Variants in AGPAT3 observed in about 807,000 individuals in gnomAD.
The protein encoded by AGPAT3 is 1-acylglycerol-3-phosphate O-acyltransferase 3.
Under a neutral mutation model 47.3 loss-of-function variants are expected in AGPAT3, and 5 were observed. The ratio of observed to expected loss-of-function variants is 0.11; its 90% CI spans 0.06 to 0.22. The LOEUF is 0.22. AGPAT3 is among the 10% of genes least tolerant of loss of function. The pLI, the probability that AGPAT3 is intolerant of heterozygous loss-of-function variation, is 1.00. For synonymous variants in AGPAT3, 212 were observed against 208.3 expected, an observed-to-expected ratio of 1.02 and a Z score of -0.15; for missense variants, 315 against 493.0, an observed-to-expected ratio of 0.64 and a Z score of 3.42.
At chr21:43,965,039 C>T (rs2089056301) in intron 3 of AGPAT3, 1 of 152,876 alleles carries the variant, frequency 6.5e-6, no homozygotes, top group Admixed American at 6.5e-5. Context: ...AGCAGTCCTC[C>T]TACCTCAGCC....
In AGPAT3 at chr21:43,937,285, C is replaced by G. The variant is rs143537120; in HGVS notation, c.-48-22349C>G. Among the ~76,000 whole-genome samples, 291 of 152,362 alleles carry G rather than the reference C, an allele frequency of 1.9e-3. 1 individual carries two copies. Among genetic ancestry groups the G allele is most frequent in the Middle Eastern group, 0.01 (3 of 294 alleles). On this transcript the variant is annotated intron_variant, in intron 2 of 9. Transcript: ENST00000291572. The stretch of plus-strand genomic sequence containing the variant: ...GATATGTGTGAGTCCCAAAGGCCCA[C>G]TGGGTGGGGCGCTGGTGAATTGAGC...
chr21:43,969,074 T>G (rs763298493), intron 4 of AGPAT3, 44 bp from the exon 5 acceptor site: 1 of 1,605,900 alleles, frequency 6.2e-7, no homozygotes, highest in South Asian at 1.1e-5. Flanking sequence ...CTGGCCTCTG[T>G]CCGACGCTGA....
At chr21:43,972,794 C>T (rs1799021449) in intron 7 of AGPAT3, among the ~76,000 whole-genome samples, 3 of 152,192 alleles carry the variant, frequency 2.0e-5, no homozygotes, top group Non-Finnish European at 4.4e-5. Flanking sequence ...CTTTGAGGCA[C>T]GAAGAAACCG....
At chr21:43,937,043 C>T (rs1006212225) in intron 2 of AGPAT3, among the ~76,000 whole-genome samples, 1 of 152,192 alleles carries the variant, frequency 6.6e-6, no homozygotes, top group African/African-American at 2.4e-5. Context: ...TCTCCATTCA[C>T]GTACTGTTCT....
At chr21:43,917,086 G>A (rs2146138799) in intron 2 of AGPAT3, among the ~76,000 whole-genome samples, 1 of 152,278 alleles carries the variant, frequency 6.6e-6, no homozygotes, top group East Asian at 1.9e-4. Context: ...GCACCCTGCG[G>A]GCAAGTGAGG....
At chr21:43,972,673 A>G (rs1283232655) in intron 7 of AGPAT3, among the ~76,000 whole-genome samples, 7 of 152,192 alleles carry the variant, frequency 4.6e-5, no homozygotes, top group Non-Finnish European at 2.9e-5. Flanking sequence ...GGACTCTCCA[A>G]GCTTCTCTGG....
At position 43,982,609 on chromosome 21, in the gene AGPAT3, G is replaced by A. The variant is rs550434562; in HGVS notation, c.*217G>A. On this transcript the variant is annotated 3_prime_UTR_variant, in exon 10 of 10. Transcript: ENST00000291572. This position sits in a 1 kb window ranked among gnomAD's most constrained non-coding sequence, Gnocchi z 6.2. ...GCAGGGTCCCAGCATCTCCACGCGCGCCCGTGGGAGGTGGGTCCGGCCGGA... is the reference window on the plus strand; with the variant it reads ...GCAGGGTCCCAGCATCTCCACGCGCACCCGTGGGAGGTGGGTCCGGCCGGA... 1.7e-5 allele frequency: 7 copies of A among 400,716 alleles called. No individual in the cohort carries two copies. Among genetic ancestry groups the A allele is most frequent in the South Asian group, 6.2e-5 (2 of 32,148 alleles). 24.8% of individuals were successfully genotyped at this position (400,716 alleles called of 1,614,324 possible).
chr21:43,897,408 C>T (rs1461736480), intron 1 of AGPAT3, among the ~76,000 whole-genome samples: 1 of 152,042 alleles, frequency 6.6e-6, no homozygotes, highest in Admixed American at 6.6e-5. Flanking sequence ...CCCCACATTT[C>T]CCCCTTTTCT....
chr21:43,981,191 A>G lies in AGPAT3; in HGVS notation c.1042+4A>G, dbSNP rs753996229. 1.2e-6 allele frequency: 2 copies of G among 1,614,008 alleles called. No homozygotes were observed. The highest frequency in any genetic ancestry group is 1.7e-5 in the Admixed American group (1 of 60,026). On this transcript the variant is annotated splice_donor_region_variant and intron_variant, in intron 9 of 9. Coordinates refer to ENST00000291572, the MANE Select transcript of AGPAT3 (RefSeq NM_020132.5). The surrounding 1 kb of genome is among the most constrained non-coding windows in gnomAD (Gnocchi z 5.3). ...TTCTTGGGGTTTGTGGGAGCAGGTA[A>G]TGGACACTGTCGCTAACAGCTCACA...
intron 2 of AGPAT3, among the ~76,000 whole-genome samples, chr21:43,917,999 GGTTGTGGGT>G (rs1267216825): frequency 1.5e-5 from 2 of 131,120 alleles, no homozygotes; most frequent in Admixed American, 7.8e-5. Flanking sequence ...GTGTTGTGGG[GGTTGTGGGT>G]GTTGTGGATG....
chr21:43,968,585 G>A (rs917366901), intron 4 of AGPAT3, among the ~76,000 whole-genome samples: 2 of 151,984 alleles, frequency 1.3e-5, no homozygotes, highest in Non-Finnish European at 2.9e-5. Flanking sequence ...GAGTCCCTGG[G>A]TGTTCCTCCT....
chr21:43,973,960 T>G (rs556998091), intron 7 of AGPAT3, among the ~76,000 whole-genome samples: 2 of 152,344 alleles, frequency 1.3e-5, no homozygotes, highest in Admixed American at 1.3e-4. Flanking sequence ...AATAGAATTT[T>G]TATTTATATT....
At chr21:43,944,322 G>A (rs950130552) in intron 2 of AGPAT3, among the ~76,000 whole-genome samples, 1 of 152,256 alleles carries the variant, frequency 6.6e-6, no homozygotes, top group African/African-American at 2.4e-5. Flanking sequence ...CTGGGCAGGG[G>A]CCACACGTCC....
intron 2 of AGPAT3, among the ~76,000 whole-genome samples, chr21:43,940,458 C>T (rs1392373724): frequency 1.3e-5 from 2 of 152,182 alleles, no homozygotes; most frequent in African/African-American, 4.8e-5. Flanking sequence ...TGCAGGGGAA[C>T]TCCTGGGAGG....
In AGPAT3 at chr21:43,981,458, C is replaced by A. The variant is rs895075355; in HGVS notation, c.1042+271C>A. The A allele has an allele frequency of 1.9e-6, 1 of 529,096 alleles. No homozygotes were observed. The highest frequency in any genetic ancestry group is 3.3e-5 in the East Asian group (1 of 30,184). The allele number at this position is 529,096 out of a possible 1,614,324, so 32.8% of individuals were successfully genotyped here. A position where few individuals can be genotyped will look rare whatever the true frequency, so the allele number is the denominator to read the frequency against. On this transcript the variant is annotated intron_variant, in intron 9 of 9. Transcript: ENST00000291572. The surrounding 1 kb of genome is among the most constrained non-coding windows in gnomAD (Gnocchi z 5.3). Reference sequence around the variant, plus strand: ...TGGCTGGCGCCCTTGAGGATGCCGACGAGAGGGTCCCCGAGAGGGTCCCCA... The same window carrying A: ...TGGCTGGCGCCCTTGAGGATGCCGAAGAGAGGGTCCCCGAGAGGGTCCCCA...
At chr21:43,950,507 T>C (rs1383116866) in intron 2 of AGPAT3, among the ~76,000 whole-genome samples, 1 of 152,240 alleles carries the variant, frequency 6.6e-6, no homozygotes, top group Admixed American at 6.5e-5. Context: ...GTTGAATGCT[T>C]AGTAGTATCT....
chr21:43,962,422 T>C (rs1442641867), intron 3 of AGPAT3, among the ~76,000 whole-genome samples: 1 of 152,136 alleles, frequency 6.6e-6, no homozygotes, highest in Non-Finnish European at 1.5e-5. Flanking sequence ...ATAAGATGAA[T>C]ACATACAAAA....
chr21:43,889,722 A>T (rs182452057), intron 1 of AGPAT3, among the ~76,000 whole-genome samples: 44 of 152,316 alleles, frequency 2.9e-4, no homozygotes, highest in African/African-American at 1.1e-3. Flanking sequence ...GTAGTCTGTT[A>T]AGTGTGCAAT....
intron 1 of AGPAT3, among the ~76,000 whole-genome samples, chr21:43,877,861 A>G (rs948623754): frequency 6.6e-6 from 1 of 151,926 alleles, no homozygotes; most frequent in South Asian, 2.1e-4. Flanking sequence ...GGTGTCCAGG[A>G]CAGAAACCTG....
Sources: gnomAD v4.1 joint callset for allele counts (sites outside exome capture counted in the v4.1 genomes callset) on GRCh38, gnomAD v4.1.1 for gene constraint, Gnocchi (gnomAD v3.1) non-coding constraint, MANE v1.5 for transcripts, NCBI Gene and HGNC (gene_info 2026-07-23, HGNC 2026-07-21) for gene names.